The following COG2 variants were observed in gnomAD, a reference collection of about 807,000 sequenced individuals.
The protein encoded by COG2 is conserved oligomeric Golgi complex subunit 2.
COG2 carries 52 observed loss-of-function variants against 90.6 expected under a neutral mutation model. The ratio of observed to expected loss-of-function variants is 0.57; its 90% CI spans 0.46 to 0.72. The LOEUF is 0.72. Among genes scored for constraint, COG2 ranks in the 30% least tolerant of loss-of-function variants. The pLI is 0.00. For missense variants in COG2, 829 were observed against 891.2 expected, an observed-to-expected ratio of 0.93 and a Z score of 0.89; for synonymous variants, 337 against 320.4, an observed-to-expected ratio of 1.05 and a Z score of -0.55.
At chr1:230,684,840 T>C (rs1439536624) in intron 11 of COG2, among the ~76,000 whole-genome samples, 1 of 152,210 alleles carries the variant, frequency 6.6e-6, no homozygotes, top group Non-Finnish European at 1.5e-5. Context: ...ATGTATTTGA[T>C]GTTTATCCAA....
rs146709529 is a variant in COG2, at chr1:230,673,718, T to C, written c.900-1280T>C. ...AATATGATGTGTGGAATTGGATATA[T>C]GGGAGGCAGTCATCTTCTTTCCCCT... On this transcript the variant is annotated intron_variant, in intron 8 of 17. Transcript: ENST00000366669. Among the ~76,000 whole-genome samples, 234 of 152,294 alleles carry C rather than the reference T, an allele frequency of 1.5e-3. 1 individual carries two copies. Among genetic ancestry groups the C allele is most frequent in the African/African-American group, 4.9e-3 (203 of 41,560 alleles).
intron 1 of COG2, chr1:230,643,045 G>T (rs1041131695): frequency 4.6e-6 from 1 of 216,844 alleles, no homozygotes; most frequent in African/African-American, 2.3e-5. Context: ...TTAAGTGTGT[G>T]TTGAATAAAT....
chr1:230,661,197 A>C (rs1035981147), intron 3 of COG2: 1 of 155,298 alleles, frequency 6.4e-6, no homozygotes, highest in Non-Finnish European at 1.4e-5. Flanking sequence ...ATATTTTCCC[A>C]AATAATATTT....
chr1:230,671,475 C>G, intron 7 of COG2, 41 bp from the exon 8 acceptor site: 1 of 1,568,122 alleles, frequency 6.4e-7, no homozygotes. Flanking sequence ...TTGTACTTCC[C>G]TTTTAAATGC....
chr1:230,642,542 C>T lies in COG2; in HGVS notation c.-65C>T. 1 of 1,516,992 alleles carries T rather than the reference C, an allele frequency of 6.6e-7. No homozygotes were observed. The allele number at this position is 1,516,992 out of a possible 1,614,324, so 94.0% of individuals were successfully genotyped here. A position where few individuals can be genotyped will look rare whatever the true frequency, so the allele number is the denominator to read the frequency against. ...CTGGCGGTGGCCGCGGCCGCCGAGT[C>T]GGTCTGCGCAGCCTCCTGCGTTTTC... is the stretch of plus-strand genomic sequence containing the variant. On this transcript the variant is annotated 5_prime_UTR_variant, in exon 1 of 18. Coordinates refer to ENST00000366669, the MANE Select transcript of COG2 (RefSeq NM_007357.3).
rs748550486 is a variant in COG2, at chr1:230,679,071, GCC to G, written c.1166+23_1166+24del. Reference sequence around the variant, plus strand: ...AAATAAGGTTGGTCATCTATTCACCGCCCCCGCCCCGCACCCTTCTAAAACAG... The same window carrying G: ...AAATAAGGTTGGTCATCTATTCACCGCCCGCCCCGCACCCTTCTAAAACAG... On this transcript the variant is annotated intron_variant, in intron 10 of 17. Transcript: ENST00000366669. 1.8e-4 allele frequency: 287 copies of G among 1,606,202 alleles called. No homozygotes were observed. The highest frequency in any genetic ancestry group is 2.4e-4 in the Non-Finnish European group (282 of 1,174,442).
intron 10 of COG2, chr1:230,682,515 G>A (rs997510774): frequency 6.6e-6 from 1 of 152,220 alleles, no homozygotes; most frequent in Non-Finnish European, 1.5e-5. Context: ...TGGGGCAGAC[G>A]GGACAGCTAC....
intron 8 of COG2, 98 bp from the exon 9 acceptor site, chr1:230,674,900 T>G: frequency 1.1e-6 from 1 of 931,916 alleles, no homozygotes; most frequent in South Asian, 2.5e-5. Flanking sequence ...GAAATAAGTT[T>G]TAGACTGCGG....
chr1:230,664,674 G>C (rs1038155488), intron 5 of COG2, 87 bp downstream of exon 5: 9 of 617,644 alleles, frequency 1.5e-5, no homozygotes, highest in Admixed American at 1.1e-4. Context: ...TTCTGATAAA[G>C]AAGAAAATCC....
At chr1:230,657,369 T>C (rs764037796) in intron 1 of COG2, among the ~76,000 whole-genome samples, 1 of 152,216 alleles carries the variant, frequency 6.6e-6, no homozygotes, top group East Asian at 1.9e-4. Flanking sequence ...AAAATTGTTT[T>C]CTTAAAGAAT....
rs114607579 is a variant in COG2, at chr1:230,690,378, G to A, written c.1934+225G>A. On this transcript the variant is annotated intron_variant, in intron 16 of 17. Transcript: ENST00000366669. ...CTGCCTGGGCTTCAGCCTCGGGGCC[G>A]GGCCATGTGCACAGTGCCCCCGCAT... The A allele has an allele frequency of 4.2e-3, 1,870 of 444,406 alleles. 11 individuals are homozygous for A. Among genetic ancestry groups the A allele is most frequent in the Non-Finnish European group, 6.1e-3 (1,513 of 249,916 alleles). 27.5% of individuals were successfully genotyped at this position (444,406 alleles called of 1,614,324 possible). A position where few individuals can be genotyped will look rare whatever the true frequency, so the allele number is the denominator to read the frequency against.
chr1:230,678,779 T>A, intron 9 of COG2, 134 bp from the exon 10 acceptor site: 1 of 1,550,486 alleles, frequency 6.4e-7, no homozygotes. Flanking sequence ...AAAGATCTTG[T>A]AAGTTCCTTG....
rs1051410339 is a variant in COG2 at position 230,669,994 on chromosome 1, C to T, written c.774+459C>T. On this transcript the variant is annotated intron_variant, in intron 7 of 17. Transcript: ENST00000366669. ...GTAGACAGTGGTACCCTCAAGTCTTCAGGGAATAAATGACATTTGGCCCAA... is the reference window on the plus strand; with the variant it reads ...GTAGACAGTGGTACCCTCAAGTCTTTAGGGAATAAATGACATTTGGCCCAA... 2.6e-5 allele frequency: 4 copies of T among 153,112 alleles called. 1 individual carries two copies. Among genetic ancestry groups the T allele is most frequent in the African/African-American group, 9.7e-5 (4 of 41,420 alleles). The allele number at this position is 153,112 out of a possible 1,614,324, so 9.5% of individuals were successfully genotyped here. A position where few individuals can be genotyped will look rare whatever the true frequency, so the allele number is the denominator to read the frequency against.
intron 9 of COG2, chr1:230,678,554 T>C: frequency 1.2e-5 from 14 of 1,179,148 alleles, no homozygotes; most frequent in Non-Finnish European, 1.5e-5. Context: ...TTCTTTCTCC[T>C]TTGTGAGGCA....
intron 16 of COG2, 122 bp from the exon 17 acceptor site, chr1:230,691,262 A>G (rs1663019086): frequency 1.3e-6 from 1 of 771,400 alleles, no homozygotes; most frequent in Non-Finnish European, 2.0e-6. Flanking sequence ...CCGTGGTTGA[A>G]TTTTCGTTGG....
intron 1 of COG2, among the ~76,000 whole-genome samples, chr1:230,649,317 C>CT (rs1661859982): frequency 6.6e-6 from 1 of 152,176 alleles, no homozygotes; most frequent in Non-Finnish European, 1.5e-5. Flanking sequence ...CCACCCTGCA[C>CT]TGGGGACAGC....
intron 16 of COG2, chr1:230,690,382 CA>C (rs1662997283): frequency 1.2e-5 from 5 of 428,968 alleles, no homozygotes; most frequent in African/African-American, 1.0e-4. Flanking sequence ...GGGGCCGGGC[CA>C]TGTGCACAGT....
At chr1:230,676,415 T>C (rs1378652495) in intron 9 of COG2, among the ~76,000 whole-genome samples, 1 of 152,220 alleles carries the variant, frequency 6.6e-6, no homozygotes, top group African/African-American at 2.4e-5. Context: ...CTTAATGGAA[T>C]CTAAAGTTGA....
intron 9 of COG2, chr1:230,678,373 A>G (rs1662650379): frequency 1.0e-6 from 1 of 985,274 alleles, no homozygotes; most frequent in Non-Finnish European, 1.2e-6. Context: ...TAAATAAGAC[A>G]ATTCTAATCA....
Sources: gnomAD v4.1 joint callset for allele counts (sites outside exome capture counted in the v4.1 genomes callset) on GRCh38, gnomAD v4.1.1 for gene constraint, MANE v1.5 for transcripts, NCBI Gene and HGNC (gene_info 2026-07-23, HGNC 2026-07-21) for gene names.